Variants in DIP2B observed in about 807,000 individuals in gnomAD.
DIP2B encodes disco-interacting protein 2 homolog B.
Under a neutral mutation model 198.0 loss-of-function variants are expected in DIP2B, and 76 were observed. That is an observed-to-expected ratio of 0.38 (90% CI 0.32 to 0.46). DIP2B has a LOEUF of 0.46. Among genes scored for constraint, DIP2B ranks in the 20% least tolerant of loss-of-function variants. The pLI, the probability that DIP2B is intolerant of heterozygous loss-of-function variation, is 0.99. For synonymous variants in DIP2B, 701 were observed against 739.1 expected (o/e 0.95, Z 0.84); for missense variants, 1,559 against 1,978.4 (o/e 0.79, Z 4.02).
chr12:50,636,083 G>T (rs1593675095), intron 2 of DIP2B, among the ~76,000 whole-genome samples: 1 of 152,212 alleles, frequency 6.6e-6, no homozygotes. Context: ...GATCATAAAA[G>T]AGAGTAGAAT....
chr12:50,575,072 G>A (rs915068980), intron 1 of DIP2B, among the ~76,000 whole-genome samples: 2 of 151,942 alleles, frequency 1.3e-5, no homozygotes, highest in African/African-American at 4.8e-5. Flanking sequence ...CCTCTCTGGT[G>A]TTTTGCATGA....
chr12:50,718,193 C>T (rs544308333), intron 23 of DIP2B, among the ~76,000 whole-genome samples: 20 of 152,114 alleles, frequency 1.3e-4, no homozygotes, highest in Admixed American at 7.2e-4. Context: ...CCACCATTCC[C>T]GGCCATTATT....
chr12:50,716,356 A>G, intron 23 of DIP2B, among the ~76,000 whole-genome samples: 1 of 152,090 alleles, frequency 6.6e-6, no homozygotes, highest in Admixed American at 6.6e-5. Context: ...TAAACTTTAC[A>G]TTTTGAAATA....
intron 3 of DIP2B, among the ~76,000 whole-genome samples, chr12:50,650,210 C>CAA (rs151185427): frequency 7.0e-6 from 1 of 142,856 alleles, no homozygotes. Context: ...AACTCTGTCT[C>CAA]AAAAAAAAAA....
At chr12:50,583,263 A>G (rs1958741361) in intron 1 of DIP2B, among the ~76,000 whole-genome samples, 1 of 151,354 alleles carries the variant, frequency 6.6e-6, no homozygotes, top group Non-Finnish European at 1.5e-5. Context: ...AAATCTTTCC[A>G]GAGTGATACC....
In DIP2B at chr12:50,675,443, T is replaced by C; in HGVS notation, c.911T>C (p.Val304Ala). 1 of 1,613,466 alleles carries C rather than the reference T, an allele frequency of 6.2e-7. No individual in the cohort carries two copies. Among genetic ancestry groups the C allele is most frequent in the African/African-American group, 1.3e-5 (1 of 75,008 alleles). ...EFFVDDSEEI[V>A]EVPQPDPNQP... ...TTTGTGGATGACTCTGAAGAAATTG[T>C]GGAAGGTAGTAGTAAAAATACCAAA... Residue 304 changes from valine to alanine, a missense_variant, in exon 7 of 38, where the codon GTG becomes GCG. Transcript: ENST00000301180.
intron 1 of DIP2B, among the ~76,000 whole-genome samples, chr12:50,563,055 C>T (rs1035174167): frequency 6.6e-6 from 1 of 152,228 alleles, no homozygotes; most frequent in Non-Finnish European, 1.5e-5. Context: ...TTATTAACCA[C>T]AGCTTGACTT....
At chr12:50,553,986 T>A (rs545191171) in intron 1 of DIP2B, among the ~76,000 whole-genome samples, 1 of 152,252 alleles carries the variant, frequency 6.6e-6, no homozygotes, top group Non-Finnish European at 1.5e-5. Flanking sequence ...TTTACTGAAA[T>A]TTTATTTAAT....
At chr12:50,531,544 T>G (rs1958217222) in intron 1 of DIP2B, among the ~76,000 whole-genome samples, 1 of 152,096 alleles carries the variant, frequency 6.6e-6, no homozygotes, top group Admixed American at 6.6e-5. Flanking sequence ...AAAATGCAAT[T>G]GAGATTACAA....
chr12:50,551,337 C>T (rs972140102), intron 1 of DIP2B, among the ~76,000 whole-genome samples: 7 of 152,034 alleles, frequency 4.6e-5, no homozygotes, highest in South Asian at 4.1e-4. Flanking sequence ...GCAGGAGGAT[C>T]GCTTGAACCT....
chr12:50,515,020 T>C (rs1958051474), intron 1 of DIP2B, among the ~76,000 whole-genome samples: 1 of 151,920 alleles, frequency 6.6e-6, no homozygotes, highest in Non-Finnish European at 1.5e-5. Context: ...ATATGCTTGC[T>C]TTCATGTGCT....
chr12:50,601,708 G>A (rs1020905978), intron 1 of DIP2B, among the ~76,000 whole-genome samples: 2 of 151,830 alleles, frequency 1.3e-5, no homozygotes, highest in Non-Finnish European at 2.9e-5. Context: ...TAGCCAGTTC[G>A]TGAACACTCC....
At chr12:50,625,954 T>G (rs768058452) in intron 1 of DIP2B, 22 bp from the exon 2 acceptor site, 1 of 1,611,376 alleles carries the variant, frequency 6.2e-7, no homozygotes, top group Non-Finnish European at 8.5e-7. Flanking sequence ...GCATAACCTA[T>G]TTCTGTTTCT....
At chr12:50,570,943 A>T (rs1958607333) in intron 1 of DIP2B, among the ~76,000 whole-genome samples, 1 of 152,172 alleles carries the variant, frequency 6.6e-6, no homozygotes, top group African/African-American at 2.4e-5. Context: ...TATTTAGCAG[A>T]TATTAAATGT....
intron 1 of DIP2B, among the ~76,000 whole-genome samples, chr12:50,513,216 G>T (rs1958033883): frequency 6.6e-6 from 1 of 152,136 alleles, no homozygotes; most frequent in Non-Finnish European, 1.5e-5. Flanking sequence ...ATGAAGTGAT[G>T]AATGGAATCA....
chr12:50,685,573 A>C (rs1006216009), intron 10 of DIP2B, among the ~76,000 whole-genome samples: 2 of 152,236 alleles, frequency 1.3e-5, no homozygotes, highest in Admixed American at 6.5e-5. Context: ...CTCTTGAATA[A>C]AATGGTTACA....
At chr12:50,724,592 T>G (rs1034822957) in intron 27 of DIP2B, among the ~76,000 whole-genome samples, 183 bp from the exon 28 acceptor site, 1 of 152,212 alleles carries the variant, frequency 6.6e-6, no homozygotes, top group Non-Finnish European at 1.5e-5. Flanking sequence ...GAGAATTAAA[T>G]GTCACACATT....
chr12:50,661,003 T>C (rs1938636504), intron 4 of DIP2B, among the ~76,000 whole-genome samples: 1 of 152,196 alleles, frequency 6.6e-6, no homozygotes, highest in African/African-American at 2.4e-5. Context: ...TAAAGAGTTA[T>C]AACTTCATAT....
intron 2 of DIP2B, among the ~76,000 whole-genome samples, chr12:50,626,771 T>G (rs1157438175): frequency 8.3e-6 from 1 of 120,282 alleles, no homozygotes; most frequent in Non-Finnish European, 1.8e-5. Context: ...GTGGAACTAA[T>G]GGCTTTTTTT....
Sources: gnomAD v4.1 joint callset for allele counts (sites outside exome capture counted in the v4.1 genomes callset) on GRCh38, gnomAD v4.1.1 for gene constraint, MANE v1.5 for transcripts, NCBI Gene and HGNC (gene_info 2026-07-23, HGNC 2026-07-21) for gene names.